The following MOK variants were observed in gnomAD, a reference collection of about 807,000 sequenced individuals.
MOK encodes MAPK/MAK/MRK overlapping kinase.
In MOK, 59 loss-of-function variants were observed where a neutral mutation model predicts 54.2. The ratio of observed to expected loss-of-function variants is 1.09; its 90% CI spans 0.88 to 1.35. The LOEUF (loss-of-function observed/expected upper bound fraction) is 1.35. Among genes scored for constraint, MOK ranks in the 40% most tolerant of loss-of-function variants. The pLI, the probability that MOK is intolerant of heterozygous loss-of-function variation, is 0.00. For synonymous variants in MOK, 210 were observed against 202.7 expected (o/e 1.04, Z -0.31); for missense variants, 517 against 526.2 (o/e 0.98, Z 0.17).
At chr14:102,294,812 A>G (rs1350979069) in intron 1 of MOK, among the ~76,000 whole-genome samples, 1 of 152,202 alleles carries the variant, frequency 6.6e-6, no homozygotes, top group Non-Finnish European at 1.5e-5. Context: ...AAGTGGTTTC[A>G]GCACACAAAT....
chr14:102,244,269 T>C (rs1022661997), intron 7 of MOK, among the ~76,000 whole-genome samples: 1 of 149,018 alleles, frequency 6.7e-6, no homozygotes, highest in Non-Finnish European at 1.5e-5. Context: ...GTTTTTCTCC[T>C]TCTCATCGGT....
chr14:102,217,410 A>G, the MOK span, among the ~76,000 whole-genome samples: 2 of 152,108 alleles, frequency 1.3e-5, no homozygotes, highest in African/African-American at 4.8e-5. Context: ...TGAAGAGTAC[A>G]ATCCTTTTCT....
chr14:102,273,296 AT>A (rs1407168643), intron 2 of MOK, among the ~76,000 whole-genome samples: 59 of 147,796 alleles, frequency 4.0e-4, no homozygotes, highest in East Asian at 1.2e-3. Flanking sequence ...AAAAAAAAAA[AT>A]AAGTGAATCC....
chr14:102,301,089 A>G (rs1345549036), intron 1 of MOK, among the ~76,000 whole-genome samples: 2 of 151,974 alleles, frequency 1.3e-5, no homozygotes, highest in Non-Finnish European at 2.9e-5. Flanking sequence ...ACAGAGTGAG[A>G]CTCCATCTCA....
Position 102,229,529 on chromosome 14 carries a change from G to A in MOK, c.1110C>T (p.Ser370=), listed in dbSNP as rs1001507988. 7 of 1,614,138 alleles carry A rather than the reference G, an allele frequency of 4.3e-6. No individual in the cohort carries two copies. Among genetic ancestry groups the A allele is most frequent in the East Asian group, 4.5e-5 (2 of 44,876 alleles). ...LSSYSSPTLQ[S]VLGSGTNGRV... is the part of the protein sequence containing the mutation. ...TTCCATTTGTTCCAGATCCAAGCAC[G>A]GACTGCAGCGTGGGGCTGGAGTAAG... Residue 370 remains serine, a synonymous_variant, in exon 11 of 12, where the codon TCC becomes TCT. Coordinates refer to ENST00000361847, the MANE Select transcript of MOK (RefSeq NM_014226.3).
intron 2 of MOK, among the ~76,000 whole-genome samples, chr14:102,273,021 T>C (rs1466258148): frequency 6.6e-6 from 1 of 151,894 alleles, no homozygotes; most frequent in Non-Finnish European, 1.5e-5. Context: ...AATACAAAAA[T>C]TCGCCAGGCG....
At chr14:102,278,029 ACT>A (rs764064551) in intron 2 of MOK, among the ~76,000 whole-genome samples, 1 of 151,878 alleles carries the variant, frequency 6.6e-6, no homozygotes, top group Non-Finnish European at 1.5e-5. Context: ...TGCCAGAAAG[ACT>A]CTAGAGAACA....
At chr14:102,222,457 T>C (rs961185572), downstream of MOK, among the ~76,000 whole-genome samples, 4 of 152,168 alleles carry the variant, frequency 2.6e-5, no homozygotes, top group African/African-American at 9.7e-5. This position sits in a 1 kb window ranked among gnomAD's most constrained non-coding sequence, Gnocchi z 4.4. Context: ...TGCCCTGGGC[T>C]CAACCCTGGC....
chr14:102,280,540 C>T (rs1270577961), intron 2 of MOK: 1 of 152,138 alleles, frequency 6.6e-6, no homozygotes, highest in Non-Finnish European at 1.5e-5. Context: ...TAATCAACTG[C>T]TTTTGAAGTT....
In MOK at chr14:102,236,801, C is replaced by A. The variant is rs2065258197; in HGVS notation, c.591-3012G>T. Among the ~76,000 whole-genome samples, 1 of 152,190 alleles carries A rather than the reference C, an allele frequency of 6.6e-6. No homozygotes were observed. Among genetic ancestry groups the A allele is most frequent in the Non-Finnish European group, 1.5e-5 (1 of 68,046 alleles). ...CCTAACCCACCAAAAAGGCTTACAGCCCATCACAAACAAGCTCTGTTCACG... is the reference window on the plus strand; with the variant it reads ...CCTAACCCACCAAAAAGGCTTACAGACCATCACAAACAAGCTCTGTTCACG... On this transcript the variant is annotated intron_variant, in intron 7 of 11. Transcript: ENST00000361847. This position sits in a 1 kb window ranked among gnomAD's most constrained non-coding sequence, Gnocchi z 4.5.
chr14:102,286,171 T>C (rs1042739424), intron 1 of MOK, among the ~76,000 whole-genome samples: 1 of 150,088 alleles, frequency 6.7e-6, no homozygotes, highest in Non-Finnish European at 1.5e-5. Flanking sequence ...TGGTGGCGGG[T>C]GCCTGTAGTC....
At chr14:102,279,954 A>T (rs2069245641) in intron 2 of MOK, among the ~76,000 whole-genome samples, 1 of 151,942 alleles carries the variant, frequency 6.6e-6, no homozygotes, top group Admixed American at 6.6e-5. Flanking sequence ...TCCAAATACC[A>T]ACCTCATGCT....
At chr14:102,222,925 C>A (rs760446407), downstream of MOK, 1 of 1,612,428 alleles carries the variant, frequency 6.2e-7, no homozygotes, top group Non-Finnish European at 8.5e-7. The surrounding 1 kb of genome is among the most constrained non-coding windows in gnomAD (Gnocchi z 4.4). Context: ...GACTTGGACT[C>A]GAGGGAGTGA....
intron 1 of MOK, among the ~76,000 whole-genome samples, chr14:102,286,255 C>T (rs953987307): frequency 3.3e-4 from 47 of 143,652 alleles, no homozygotes; most frequent in Non-Finnish European, 3.4e-4. Flanking sequence ...GCCGAGATCG[C>T]GCCACTGCAC....
At chr14:102,283,940 C>G (rs1401595111) in intron 1 of MOK, among the ~76,000 whole-genome samples, 1 of 152,156 alleles carries the variant, frequency 6.6e-6, no homozygotes, top group Non-Finnish European at 1.5e-5. Flanking sequence ...AGGCTCTGGG[C>G]TGATGTCATA....
chr14:102,251,836 C>A (rs188149839), intron 5 of MOK, 32 bp from the exon 6 acceptor site: 2 of 1,545,226 alleles, frequency 1.3e-6, no homozygotes, highest in African/African-American at 1.4e-5. Context: ...AATAGAATTA[C>A]ACTTCATTTA....
At chr14:102,224,036 G>GT (rs1184725386), downstream of MOK, among the ~76,000 whole-genome samples, 147 of 139,498 alleles carry the variant, frequency 1.1e-3, no homozygotes, top group Middle Eastern at 7.8e-3. Flanking sequence ...GTTTACCTGA[G>GT]ATTTTTTTTT....
At chr14:102,304,847 C>T in intron 1 of MOK, 115 bp downstream of exon 1, 6 of 1,236,074 alleles carry the variant, frequency 4.9e-6, no homozygotes, top group Non-Finnish European at 2.3e-6. Context: ...CGAGCCACGG[C>T]AGAAGGCGAC....
chr14:102,234,118 C>T (rs560874420), intron 7 of MOK: 4 of 234,150 alleles, frequency 1.7e-5, no homozygotes, highest in African/African-American at 6.8e-5. Flanking sequence ...TTAATAAAAA[C>T]TTGCTTGCCT....
Sources: allele counts gnomAD v4.1 joint callset (sites outside exome capture counted in the v4.1 genomes callset), GRCh38; gene constraint gnomAD v4.1.1; non-coding constraint Gnocchi (gnomAD v3.1); transcripts MANE v1.5; gene names NCBI Gene and HGNC (gene_info 2026-07-23, HGNC 2026-07-21).